The following EXT1 variants were observed in gnomAD, a reference collection of about 807,000 sequenced individuals.
The protein encoded by EXT1 is exostosin glycosyltransferase 1, also known as exostosin-1.
EXT1 carries 20 observed loss-of-function variants against 82.5 expected under a neutral mutation model. The observed-to-expected ratio is 0.24, with a 90% CI of 0.17 to 0.35. The LOEUF is 0.35. Among genes scored for constraint, EXT1 ranks in the 10% least tolerant of loss-of-function variants. The probability of loss-of-function intolerance (pLI) is 1.00; values close to 1 mark genes in which losing one functional copy is unlikely to be tolerated. For missense variants in EXT1, 757 were observed against 936.5 expected (o/e 0.81, Z 2.50); for synonymous variants, 348 against 350.8 (o/e 0.99, Z 0.09).
intron 1 of EXT1, among the ~76,000 whole-genome samples, chr8:118,014,253 C>T (rs1326862780): frequency 6.6e-6 from 1 of 152,132 alleles, no homozygotes; most frequent in Admixed American, 6.5e-5. Context: ...AATAAGGATA[C>T]TTCAGCCTTC....
chr8:117,989,061 CAAAAAA>C (rs10649300), intron 1 of EXT1, among the ~76,000 whole-genome samples: 1 of 105,364 alleles, frequency 9.5e-6, no homozygotes, highest in African/African-American at 3.5e-5. Flanking sequence ...CCCCTCCTCT[CAAAAAA>C]AAAAAAAAAA....
chr8:117,814,133 A>C (rs915233850), intron 7 of EXT1, among the ~76,000 whole-genome samples: 2 of 152,064 alleles, frequency 1.3e-5, no homozygotes, highest in Non-Finnish European at 2.9e-5. Context: ...AAATAATAGC[A>C]CATATGATCC....
intron 1 of EXT1, among the ~76,000 whole-genome samples, chr8:118,071,645 C>G (rs1241796624): frequency 6.6e-6 from 1 of 152,114 alleles, no homozygotes; most frequent in Admixed American, 6.5e-5. Context: ...TACAGGAATT[C>G]TTCAGACCCC....
At chr8:118,022,291 A>T (rs867663931) in intron 1 of EXT1, among the ~76,000 whole-genome samples, 37 of 151,058 alleles carry the variant, frequency 2.4e-4, no homozygotes, top group Non-Finnish European at 5.0e-4. Context: ...GCAATATATT[A>T]AAAAAAGATA....
chr8:117,859,159 G>GA lies in EXT1; in HGVS notation c.963-21959dup, dbSNP rs555860960. 6.4e-3 allele frequency among the ~76,000 whole-genome samples: 970 copies of GA among 152,244 alleles called. 5 individuals carry two copies. The highest frequency in any genetic ancestry group is 8.2e-3 in the Non-Finnish European group (556 of 68,016). ...AACTTTTATATGTACTGGAAAACCA[G>GA]AAAAAATCATGTGATTTGCTTTATT... On this transcript the variant is annotated intron_variant, in intron 1 of 10. Coordinates refer to ENST00000378204, the MANE Select transcript of EXT1 (RefSeq NM_000127.3).
chr8:117,817,801 T>C (rs1811849019), intron 7 of EXT1, among the ~76,000 whole-genome samples: 1 of 152,168 alleles, frequency 6.6e-6, no homozygotes, highest in African/African-American at 2.4e-5. Flanking sequence ...AGGTTACACA[T>C]GGCCTCAAAT....
chr8:117,803,203 CT>C (rs1224219919), intron 10 of EXT1, among the ~76,000 whole-genome samples: 1 of 150,668 alleles, frequency 6.6e-6, no homozygotes, highest in Admixed American at 6.6e-5. Flanking sequence ...TTTTCTTTTT[CT>C]TTTTTTTTGA....
chr8:118,067,632 T>C (rs568480667), intron 1 of EXT1, among the ~76,000 whole-genome samples: 2 of 152,352 alleles, frequency 1.3e-5, no homozygotes, highest in South Asian at 4.1e-4. Context: ...CAATACTAAT[T>C]GGAAGTTGCA....
chr8:117,874,691 A>G (rs1812937130), intron 1 of EXT1, among the ~76,000 whole-genome samples: 1 of 152,150 alleles, frequency 6.6e-6, no homozygotes. Context: ...TGCCCACAAA[A>G]ATCTAGGCAG....
chr8:118,073,895 T>C (rs1275318362), intron 1 of EXT1, among the ~76,000 whole-genome samples: 2 of 152,118 alleles, frequency 1.3e-5, no homozygotes, highest in African/African-American at 4.8e-5. Flanking sequence ...TTTCCAACGG[T>C]CCCTTGGGAC....
intron 3 of EXT1, among the ~76,000 whole-genome samples, chr8:117,834,203 C>T (rs1812147262): frequency 6.6e-6 from 1 of 152,138 alleles, no homozygotes; most frequent in Admixed American, 6.5e-5. Flanking sequence ...TTGCTTAACC[C>T]ATGGGTCTCT....
At position 117,898,948 on chromosome 8, in the gene EXT1, C is replaced by T. The variant is rs1264940821; in HGVS notation, c.963-61747G>A. ...ATTTGTTTTGATTCAAAACACTGAC[C>T]CCCAAATGCTTCCTTTTTTTACCCT... On this transcript the variant is annotated intron_variant, in intron 1 of 10. Transcript: ENST00000378204. 2.6e-5 allele frequency among the ~76,000 whole-genome samples: 4 copies of T among 152,042 alleles called. No individual in the cohort carries two copies. In the East Asian group the frequency reaches 7.7e-4, roughly 29 times the overall value.
chr8:118,015,733 A>G (rs148554032), intron 1 of EXT1, among the ~76,000 whole-genome samples: 1 of 152,234 alleles, frequency 6.6e-6, no homozygotes, highest in East Asian at 1.9e-4. Flanking sequence ...CCTAAACCCC[A>G]GCACCTCAGC....
chr8:117,867,260 G>GAAAAA (rs372575361), intron 1 of EXT1, among the ~76,000 whole-genome samples: 2 of 98,912 alleles, frequency 2.0e-5, no homozygotes, highest in Admixed American at 1.1e-4. Flanking sequence ...CTCCACCTCA[G>GAAAAA]AAAAAAAAAA....
In EXT1 at chr8:117,850,847, C is replaced by T. The variant is rs1042407157; in HGVS notation, c.963-13646G>A. ...TCAGGCAGCCTCAGGACCCTGCCTG[C>T]AGGCTTCCAAAACACCCCAAGGGTA... On this transcript the variant is annotated intron_variant, in intron 1 of 10. Coordinates refer to ENST00000378204, the MANE Select transcript of EXT1 (RefSeq NM_000127.3). Among the ~76,000 whole-genome samples the T allele has an allele frequency of 6.2e-4, 94 of 152,184 alleles. 1 individual carries two copies. Among genetic ancestry groups the T allele is most frequent in the Non-Finnish European group, 1.6e-4 (11 of 68,030 alleles).
At chr8:118,089,886 G>T (rs1362798602) in intron 1 of EXT1, among the ~76,000 whole-genome samples, 1 of 152,198 alleles carries the variant, frequency 6.6e-6, no homozygotes, top group Non-Finnish European at 1.5e-5. Context: ...GCCTTCAGAG[G>T]AAAGAGGGAG....
At chr8:117,889,949 A>G (rs1195051667) in intron 1 of EXT1, among the ~76,000 whole-genome samples, 1 of 152,214 alleles carries the variant, frequency 6.6e-6, no homozygotes, top group Non-Finnish European at 1.5e-5. Context: ...TTTTATATGA[A>G]AAAAATGATA....
chr8:118,051,906 T>C (rs1816724422), intron 1 of EXT1, among the ~76,000 whole-genome samples: 2 of 152,228 alleles, frequency 1.3e-5, no homozygotes, highest in African/African-American at 2.4e-5. Flanking sequence ...AAGTCAGGCG[T>C]GGCCTTGCTA....
chr8:117,914,338 A>G (rs1453249204), intron 1 of EXT1, among the ~76,000 whole-genome samples: 5 of 152,198 alleles, frequency 3.3e-5, no homozygotes, highest in Non-Finnish European at 7.3e-5. Context: ...CCACTGTGAT[A>G]ATTGTGTTAA....
Sources: gnomAD v4.1 joint callset for allele counts (sites outside exome capture counted in the v4.1 genomes callset) on GRCh38, gnomAD v4.1.1 for gene constraint, MANE v1.5 for transcripts, NCBI Gene and HGNC (gene_info 2026-07-23, HGNC 2026-07-21) for gene names.